The following TWIST2 variants were observed in gnomAD, a reference collection of about 807,000 sequenced individuals.
The protein encoded by TWIST2 is twist-related protein 2.
TWIST2 carries 1 observed loss-of-function variant against 11.6 expected under a neutral mutation model. The ratio of observed to expected loss-of-function variants is 0.09; its 90% CI spans 0.03 to 0.41. The LOEUF is 0.41. TWIST2 is among the 10% of genes least tolerant of loss of function. The probability of loss-of-function intolerance (pLI) is 0.98; values close to 1 mark genes in which losing one functional copy is unlikely to be tolerated. For missense variants in TWIST2, 168 were observed against 226.4 expected, an observed-to-expected ratio of 0.74 and a Z score of 1.66; for synonymous variants, 87 against 96.6, an observed-to-expected ratio of 0.90 and a Z score of 0.58.
chr2:238,848,822 G>A, intron 1 of TWIST2, 89 bp downstream of exon 1: 1 of 1,101,156 alleles, frequency 9.1e-7, no homozygotes, highest in East Asian at 3.5e-5. Flanking sequence ...GTGTCTCCTC[G>A]GCGAGGCCCC....
chr2:238,904,743 A>G (rs1693321091), intron 1 of TWIST2, among the ~76,000 whole-genome samples: 1 of 152,094 alleles, frequency 6.6e-6, no homozygotes, highest in African/African-American at 2.4e-5. Flanking sequence ...GGCACATGAT[A>G]GATGCTCAAT....
chr2:238,864,295 G>T lies in TWIST2; in HGVS notation c.*35+15562G>T, dbSNP rs1414213557. ...AGCGGCGATCGGGGCCTGATCCTCA[G>T]TTCGAAGACACAGATGCTCACTGCT... On this transcript the variant is annotated intron_variant, in intron 1 of 1. Coordinates refer to ENST00000612363, the MANE Select transcript of TWIST2 (RefSeq NM_001271893.4). The surrounding 1 kb of genome is among the most constrained non-coding windows in gnomAD (Gnocchi z 4.7). Among the ~76,000 whole-genome samples, 1 of 152,224 alleles carries T rather than the reference G, an allele frequency of 6.6e-6. No homozygotes were observed. Among genetic ancestry groups the T allele is most frequent in the Non-Finnish European group, 1.5e-5 (1 of 68,050 alleles).
At chr2:238,870,576 C>A (rs1441766166) in intron 1 of TWIST2, among the ~76,000 whole-genome samples, 6 of 51,156 alleles carry the variant, frequency 1.2e-4, no homozygotes, top group African/African-American at 4.2e-4. Flanking sequence ...CACCACACAC[C>A]ACACACACAC....
intron 1 of TWIST2, 40 bp downstream of exon 1, chr2:238,848,773 G>C: frequency 7.6e-7 from 1 of 1,318,442 alleles, no homozygotes. Flanking sequence ...CCGCTGCGGG[G>C]GGCGGGCGGC....
intron 1 of TWIST2, among the ~76,000 whole-genome samples, chr2:238,868,181 C>T (rs907601240): frequency 5.3e-5 from 8 of 152,144 alleles, no homozygotes; most frequent in Non-Finnish European, 7.3e-5. Context: ...CCCAGGAGGT[C>T]AGGCTTTCTG....
chr2:238,890,395 T>C (rs906263446), intron 1 of TWIST2, among the ~76,000 whole-genome samples: 6 of 152,122 alleles, frequency 3.9e-5, no homozygotes, highest in African/African-American at 1.2e-4. Context: ...GATCCTCACT[T>C]AGGAGACGGC....
intron 1 of TWIST2, among the ~76,000 whole-genome samples, chr2:238,876,385 C>A (rs1332026902): frequency 6.6e-6 from 1 of 152,244 alleles, no homozygotes; most frequent in African/African-American, 2.4e-5. Flanking sequence ...TGCTCCCTGT[C>A]TGGGTAAACA....
At position 238,848,171 on chromosome 2, in the gene TWIST2, TCGGCGCCC is replaced by T. The variant is rs1194531488; in HGVS notation, c.-35_-28del. On this transcript the variant is annotated 5_prime_UTR_variant, in exon 1 of 2. Transcript: ENST00000612363. ...CGCGGGCTTGGCCAGCGGCGCGCGC[TCGGCGCCC>T]CGGCGCCCCCAGCCCCACGCGCGCC... 4 of 1,198,856 alleles carry T rather than the reference TCGGCGCCC, an allele frequency of 3.3e-6. No individual in the cohort carries two copies. The highest frequency in any genetic ancestry group is 1.6e-5 in the African/African-American group (1 of 61,610). 74.3% of individuals were successfully genotyped at this position (1,198,856 alleles called of 1,614,324 possible).
At chr2:238,877,341 G>A (rs1692825452) in intron 1 of TWIST2, among the ~76,000 whole-genome samples, 1 of 152,010 alleles carries the variant, frequency 6.6e-6, no homozygotes, top group Admixed American at 6.6e-5. Flanking sequence ...ATAGACATAG[G>A]GCTATTGGCA....
At chr2:238,905,920 GGT>G (rs1693341092) in intron 1 of TWIST2, among the ~76,000 whole-genome samples, 1 of 113,106 alleles carries the variant, frequency 8.8e-6, no homozygotes, top group Non-Finnish European at 1.9e-5. Context: ...TGTGCGTGCA[GGT>G]GTGCGTGTGC....
chr2:238,855,099 C>T (rs552777853), intron 1 of TWIST2, among the ~76,000 whole-genome samples: 14 of 152,308 alleles, frequency 9.2e-5, no homozygotes, highest in South Asian at 8.3e-4. Flanking sequence ...ACAGGCGCAG[C>T]GCAAGCTAGC....
At chr2:238,885,479 C>T (rs976415070) in intron 1 of TWIST2, among the ~76,000 whole-genome samples, 6 of 152,238 alleles carry the variant, frequency 3.9e-5, no homozygotes, top group African/African-American at 7.2e-5. Flanking sequence ...CTGTCCTTGA[C>T]GTCTACTGCG....
At chr2:238,876,163 C>T (rs918587787) in intron 1 of TWIST2, among the ~76,000 whole-genome samples, 2 of 152,184 alleles carry the variant, frequency 1.3e-5, no homozygotes, top group African/African-American at 2.4e-5. Flanking sequence ...GCCACACAGC[C>T]GCTTGGGAAG....
At position 238,873,936 on chromosome 2, in the gene TWIST2, G is replaced by A. The variant is rs769170250; in HGVS notation, c.*35+25203G>A. 5.5e-4 allele frequency among the ~76,000 whole-genome samples: 84 copies of A among 152,272 alleles called. 1 individual carries two copies. Among genetic ancestry groups the A allele is most frequent in the Admixed American group, 2.7e-3 (42 of 15,304 alleles). Reference sequence around the variant, plus strand: ...GTCATTGTGCATCAGCTCGAAACTGGGTTGGTGGCCTGCTCTAAACTTGCT... The same window carrying A: ...GTCATTGTGCATCAGCTCGAAACTGAGTTGGTGGCCTGCTCTAAACTTGCT... On this transcript the variant is annotated intron_variant, in intron 1 of 1. Transcript: ENST00000612363.
chr2:238,859,248 C>T (rs1259400653), intron 1 of TWIST2, among the ~76,000 whole-genome samples: 2 of 150,884 alleles, frequency 1.3e-5, no homozygotes, highest in Non-Finnish European at 2.9e-5. Flanking sequence ...TGTGCTACAG[C>T]ATCGATGAAC....
At chr2:238,883,254 C>G (rs903763108) in intron 1 of TWIST2, among the ~76,000 whole-genome samples, 2 of 152,164 alleles carry the variant, frequency 1.3e-5, no homozygotes, top group African/African-American at 2.4e-5. Flanking sequence ...GGCAGTCACC[C>G]CTCGTGGACT....
At chr2:238,850,809 T>C (rs1416717988) in intron 1 of TWIST2, among the ~76,000 whole-genome samples, 2 of 152,226 alleles carry the variant, frequency 1.3e-5, no homozygotes, top group Non-Finnish European at 2.9e-5. Context: ...TATTTTTACA[T>C]ACTGGACTAT....
intron 1 of TWIST2, among the ~76,000 whole-genome samples, chr2:238,871,861 G>A (rs1400736997): frequency 6.6e-6 from 1 of 152,126 alleles, no homozygotes; most frequent in Non-Finnish European, 1.5e-5. Context: ...CATAGAGACG[G>A]AAGGCAGAAC....
At chr2:238,890,958 G>A (rs967630594) in intron 1 of TWIST2, among the ~76,000 whole-genome samples, 2 of 152,220 alleles carry the variant, frequency 1.3e-5, no homozygotes, top group Non-Finnish European at 2.9e-5. Flanking sequence ...CCTGCACCCC[G>A]GGACCTTGCC....
Sources: gnomAD v4.1 joint callset for allele counts (sites outside exome capture counted in the v4.1 genomes callset) on GRCh38, gnomAD v4.1.1 for gene constraint, Gnocchi (gnomAD v3.1) non-coding constraint, MANE v1.5 for transcripts, NCBI Gene and HGNC (gene_info 2026-07-23, HGNC 2026-07-21) for gene names.